The following DPP6 variants were observed in gnomAD, a reference collection of about 807,000 sequenced individuals.
DPP6 encodes the protein A-type potassium channel modulatory protein DPP6.
In DPP6, 69 loss-of-function variants were observed where a neutral mutation model predicts 122.6. The observed-to-expected ratio is 0.56, with a 90% CI of 0.46 to 0.69. The LOEUF is 0.69. Ranked by LOEUF, DPP6 falls within the 30% of genes least tolerant of loss-of-function variation. DPP6 has a pLI of 0.00. For synonymous variants in DPP6, 418 were observed against 433.1 expected (o/e 0.97, Z 0.43); for missense variants, 928 against 1,116.9 (o/e 0.83, Z 2.41).
At chr7:154,629,049 A>G (rs111927409) in intron 5 of DPP6, among the ~76,000 whole-genome samples, 2,658 of 152,238 alleles carry the variant, frequency 0.017, 33 homozygotes, top group Middle Eastern at 0.048. Context: ...TGTACAGGAC[A>G]TTGCTTTCAT....
At chr7:154,116,523 C>G (rs917219097) in intron 1 of DPP6, among the ~76,000 whole-genome samples, 1 of 152,220 alleles carries the variant, frequency 6.6e-6, no homozygotes, top group Non-Finnish European at 1.5e-5. Flanking sequence ...AAACAGTTTA[C>G]TTTCCCCAAT....
intron 7 of DPP6, among the ~76,000 whole-genome samples, chr7:154,696,820 C>T (rs968389984): frequency 6.6e-6 from 1 of 152,178 alleles, no homozygotes; most frequent in African/African-American, 2.4e-5. Context: ...AGCCAAAGGC[C>T]GATTATGGAG....
At chr7:154,098,972 G>A (rs1017945649) in intron 1 of DPP6, among the ~76,000 whole-genome samples, 2 of 152,188 alleles carry the variant, frequency 1.3e-5, no homozygotes, top group African/African-American at 4.8e-5. Flanking sequence ...AGAAACTAAA[G>A]AGCCTTTAAA....
chr7:153,951,137 A>G lies in DPP6; in HGVS notation c.51+63403A>G, dbSNP rs181809065. Among the ~76,000 whole-genome samples the G allele has an allele frequency of 7.3e-4, 111 of 152,272 alleles. 1 individual carries two copies. Among genetic ancestry groups the G allele is most frequent in the African/African-American group, 2.4e-3 (101 of 41,556 alleles). On this transcript the variant is annotated intron_variant, in intron 1 of 25. Coordinates refer to the DPP6 transcript ENST00000404039. ...AGACAGGCCAAAGTTCCCATTGTCT[A>G]TCCACTGCACTTTGGTGGCCCTGGC...
intron 1 of DPP6, among the ~76,000 whole-genome samples, chr7:154,066,467 A>G (rs894358053): frequency 1.3e-5 from 2 of 152,218 alleles, no homozygotes; most frequent in African/African-American, 2.4e-5. Context: ...CATGTGCTCT[A>G]TGCCACGAAG....
intron 1 of DPP6, among the ~76,000 whole-genome samples, chr7:153,993,626 A>G (rs1029415572): frequency 2.0e-5 from 3 of 152,216 alleles, no homozygotes; most frequent in Non-Finnish European, 4.4e-5. Flanking sequence ...ATCCTCATGC[A>G]TGTGTAGATA....
At position 153,975,103 on chromosome 7, in the gene DPP6, G is replaced by A. The variant is rs114015370; in HGVS notation, c.51+87369G>A. Reference sequence around the variant, plus strand: ...GTACCAGCCAGAGCAGTAGGCACTGGAGTACCCATGAGACGTAAATCTAGG... The same window carrying A: ...GTACCAGCCAGAGCAGTAGGCACTGAAGTACCCATGAGACGTAAATCTAGG... On this transcript the variant is annotated intron_variant, in intron 1 of 25. Transcript: ENST00000404039. 3.1e-3 allele frequency among the ~76,000 whole-genome samples: 476 copies of A among 152,250 alleles called. 2 individuals are homozygous for A. Among genetic ancestry groups the A allele is most frequent in the African/African-American group, 0.011 (467 of 41,550 alleles).
chr7:154,469,504 C>T (rs1189818740), intron 2 of DPP6, among the ~76,000 whole-genome samples: 1 of 152,154 alleles, frequency 6.6e-6, no homozygotes, highest in Non-Finnish European at 1.5e-5. Context: ...CAGCTCTGAC[C>T]TATGGATTCA....
At chr7:154,525,643 T>A (rs1160764418) in intron 3 of DPP6, among the ~76,000 whole-genome samples, 1 of 152,252 alleles carries the variant, frequency 6.6e-6, no homozygotes, top group African/African-American at 2.4e-5. Flanking sequence ...TTCATTAAAG[T>A]CAGAGAACGT....
intron 18 of DPP6, among the ~76,000 whole-genome samples, chr7:154,869,386 G>A (rs73728624): frequency 0.028 from 4,328 of 152,354 alleles, 212 homozygotes; most frequent in African/African-American, 0.098. Context: ...GCTGCATTGC[G>A]TAGAGCAGAA....
intron 1 of DPP6, among the ~76,000 whole-genome samples, chr7:154,362,071 G>A (rs1045384729): frequency 2.6e-5 from 4 of 152,234 alleles, no homozygotes; most frequent in African/African-American, 9.6e-5. Flanking sequence ...CAACATTGTT[G>A]AGGAGTATCT....
chr7:154,661,734 A>G (rs1488266704), intron 6 of DPP6, among the ~76,000 whole-genome samples: 4 of 141,356 alleles, frequency 2.8e-5, no homozygotes, highest in South Asian at 2.3e-4. Context: ...TAGTGTTCAT[A>G]TAGTCATGGT....
At chr7:154,367,687 C>T (rs774473771) in intron 1 of DPP6, among the ~76,000 whole-genome samples, 39 of 152,172 alleles carry the variant, frequency 2.6e-4, no homozygotes, top group Non-Finnish European at 4.6e-4. Context: ...TTAAGTAATA[C>T]AGCAGAAGAG....
At chr7:154,201,137 T>G (rs1047556760) in intron 1 of DPP6, among the ~76,000 whole-genome samples, 1 of 152,010 alleles carries the variant, frequency 6.6e-6, no homozygotes, top group Admixed American at 6.5e-5. Flanking sequence ...TTGTTGTTGT[T>G]TTTTTTTGAG....
intron 7 of DPP6, among the ~76,000 whole-genome samples, chr7:154,682,578 A>T (rs1839349702): frequency 6.6e-6 from 1 of 152,228 alleles, no homozygotes; most frequent in Admixed American, 6.5e-5. Context: ...AGAACAGAAG[A>T]TAATTTGCTC....
intron 7 of DPP6, among the ~76,000 whole-genome samples, chr7:154,675,676 C>T (rs2131138145): frequency 6.6e-6 from 1 of 152,300 alleles, no homozygotes; most frequent in South Asian, 2.1e-4. Flanking sequence ...AGGACATGGT[C>T]CCTTTCCTCA....
intron 1 of DPP6, among the ~76,000 whole-genome samples, chr7:154,080,308 C>T (rs1803894698): frequency 6.6e-6 from 1 of 152,060 alleles, no homozygotes; most frequent in South Asian, 2.1e-4. Context: ...TAATCAGCAT[C>T]CAAGATCAAG....
At chr7:153,894,981 A>T (rs1318497700) in intron 1 of DPP6, among the ~76,000 whole-genome samples, 1 of 152,204 alleles carries the variant, frequency 6.6e-6, no homozygotes, top group Non-Finnish European at 1.5e-5. Context: ...GAGAAAAATG[A>T]AGTGAAACAT....
intron 1 of DPP6, among the ~76,000 whole-genome samples, chr7:154,353,863 C>T (rs1586031395): frequency 6.6e-6 from 1 of 152,328 alleles, no homozygotes; most frequent in East Asian, 1.9e-4. Flanking sequence ...AAGACCTTTG[C>T]ATAGAAAATC....
Sources: gnomAD v4.1 joint callset for allele counts (sites outside exome capture counted in the v4.1 genomes callset) on GRCh38, gnomAD v4.1.1 for gene constraint, MANE v1.5 for transcripts, NCBI Gene and HGNC (gene_info 2026-07-23, HGNC 2026-07-21) for gene names.